The following ERCC6L2 variants were observed in gnomAD, a reference collection of about 807,000 sequenced individuals.
ERCC6L2 encodes ERCC excision repair 6 like 2, also known as DNA excision repair protein ERCC-6-like 2.
Under a neutral mutation model 132.0 loss-of-function variants are expected in ERCC6L2, and 77 were observed. The observed-to-expected ratio is 0.58, with a 90% CI of 0.49 to 0.71. The LOEUF (loss-of-function observed/expected upper bound fraction) is 0.71, where lower values mean the gene tolerates loss of function less well. Among genes scored for constraint, ERCC6L2 ranks in the 30% least tolerant of loss-of-function variants. The pLI, the probability that ERCC6L2 is intolerant of heterozygous loss-of-function variation, is 0.00. For synonymous variants in ERCC6L2, 583 were observed against 632.4 expected (o/e 0.92, Z 1.17); for missense variants, 1,542 against 1,837.6 (o/e 0.84, Z 2.94).
intron 13 of ERCC6L2, among the ~76,000 whole-genome samples, chr9:95,960,772 A>T (rs915845480): frequency 3.9e-5 from 6 of 152,154 alleles, no homozygotes; most frequent in Non-Finnish European, 8.8e-5. Flanking sequence ...AGCTGGAACT[A>T]TAGGTGCGTG....
chr9:95,899,975 T>C (rs771435564), intron 3 of ERCC6L2, among the ~76,000 whole-genome samples: 18 of 152,342 alleles, frequency 1.2e-4, no homozygotes, highest in Non-Finnish European at 2.1e-4. Flanking sequence ...CCCACAGATA[T>C]GGAGGAACTG....
chr9:95,976,343 G>A (rs910327136), intron 16 of ERCC6L2, among the ~76,000 whole-genome samples: 3 of 152,110 alleles, frequency 2.0e-5, no homozygotes, highest in African/African-American at 4.8e-5. Flanking sequence ...TGGTGGGTCA[G>A]TTTGGGGAGT....
At chr9:96,023,303 T>G (rs148491537), downstream of ERCC6L2, among the ~76,000 whole-genome samples, 87 of 152,372 alleles carry the variant, frequency 5.7e-4, no homozygotes, top group Admixed American at 2.4e-3. Flanking sequence ...TGACCTATTA[T>G]GTAATATGCT....
chr9:95,979,447 A>C, intron 17 of ERCC6L2, among the ~76,000 whole-genome samples: 1 of 152,164 alleles, frequency 6.6e-6, no homozygotes, highest in East Asian at 1.9e-4. Context: ...AAAAAATAAC[A>C]CTGGTTCTAG....
chr9:95,949,277 G>T (rs969313380), intron 12 of ERCC6L2, among the ~76,000 whole-genome samples: 5 of 152,060 alleles, frequency 3.3e-5, no homozygotes, highest in Non-Finnish European at 7.4e-5. Context: ...AAGGGAAAAG[G>T]ACAAAAGGGT....
chr9:96,006,077 A>G (rs181490192), intron 18 of ERCC6L2, among the ~76,000 whole-genome samples: 57 of 152,348 alleles, frequency 3.7e-4, no homozygotes, highest in African/African-American at 1.3e-3. Flanking sequence ...GGGAAGGTTC[A>G]GTAGGCAATG....
rs1226151450 is a variant in ERCC6L2 at position 96,013,187 on chromosome 9, C to T, written c.4637C>T (p.Thr1546Ile). Residue 1546 changes from threonine (T) to isoleucine (I), a missense_variant, in exon 19 of 19, where the codon ACA (threonine) becomes ATA (isoleucine). By Grantham distance (89) the Thr-to-Ile change is moderately conservative (BLOSUM62 -1). Transcript: ENST00000653738. ...GATACAGATGAAAACGCAACCAATA[C>T]ACAGAGTACCACATAAGCATATAAA... ...PSDTDENATN[T>I]QSTT 1 of 1,361,776 alleles carries T rather than the reference C, an allele frequency of 7.3e-7. No homozygotes were observed. Among genetic ancestry groups the T allele is most frequent in the Non-Finnish European group, 9.8e-7 (1 of 1,019,942 alleles). 84.4% of individuals were successfully genotyped at this position (1,361,776 alleles called of 1,614,324 possible).
At chr9:95,963,147 CTGTGTGTGTGTGTGTGTGTG>C (rs34128119) in intron 13 of ERCC6L2, among the ~76,000 whole-genome samples, 1 of 148,512 alleles carries the variant, frequency 6.7e-6, no homozygotes, top group South Asian at 2.2e-4. Flanking sequence ...GTCATCTCGT[CTGTGTGTGTGTGTGTGTGTG>C]TGTGTGTGTG....
At chr9:96,032,389 G>A (rs1476396719) in intron 19 of ERCC6L2, among the ~76,000 whole-genome samples, 14 of 152,138 alleles carry the variant, frequency 9.2e-5, no homozygotes, top group Admixed American at 7.2e-4. Flanking sequence ...GCCTCCTTGC[G>A]CCTCACCGTC....
At position 96,013,093 on chromosome 9, in the gene ERCC6L2, A is replaced by C. The variant is rs760729807; in HGVS notation, c.4543A>C (p.Arg1515=). ...KAPLAAPFKR[R]EEPATSLWKS... is the part of the protein sequence containing the mutation. The stretch of plus-strand genomic sequence containing the variant: ...ACCTCTAGCAGCACCCTTTAAAAGG[A>C]GAGAAGAGCCAGCAACTTCTCTTTG... The change falls in exon 19 of 19, where the codon AGA becomes CGA. Residue 1515 remains arginine (R), a synonymous_variant. Transcript: ENST00000653738. 9.5e-6 allele frequency: 13 copies of C among 1,367,686 alleles called. No homozygotes were observed. In the East Asian group the frequency reaches 5.9e-4, roughly 62 times the overall value. The allele number at this position is 1,367,686 out of a possible 1,614,324, so 84.7% of individuals were successfully genotyped here. A position where few individuals can be genotyped will look rare whatever the true frequency, so the allele number is the denominator to read the frequency against.
chr9:95,920,680 T>G (rs1288628174), intron 6 of ERCC6L2, among the ~76,000 whole-genome samples: 1 of 152,192 alleles, frequency 6.6e-6, no homozygotes, highest in Non-Finnish European at 1.5e-5. Flanking sequence ...AAATTATACT[T>G]TATATTATCC....
intron 17 of ERCC6L2, among the ~76,000 whole-genome samples, chr9:95,996,580 G>A (rs1461444887): frequency 1.3e-5 from 2 of 152,360 alleles, no homozygotes; most frequent in Middle Eastern, 3.4e-3. Context: ...TTAGGGACTA[G>A]TGCAGCTGGG....
intron 2 of ERCC6L2, among the ~76,000 whole-genome samples, chr9:95,896,945 ATTTCT>A (rs1178173902): frequency 2.0e-5 from 3 of 152,054 alleles, no homozygotes; most frequent in Admixed American, 6.5e-5. Flanking sequence ...CTTCTGTATC[ATTTCT>A]TTTCTTCTAT....
intron 12 of ERCC6L2, among the ~76,000 whole-genome samples, chr9:95,950,864 C>T (rs1280781803): frequency 6.6e-6 from 1 of 152,082 alleles, no homozygotes; most frequent in African/African-American, 2.4e-5. Context: ...GGAGAAATAG[C>T]TCTGCAATAA....
intron 19 of ERCC6L2, among the ~76,000 whole-genome samples, chr9:96,028,737 A>T (rs1834414550): frequency 6.6e-6 from 1 of 152,170 alleles, no homozygotes; most frequent in African/African-American, 2.4e-5. Flanking sequence ...TAAAAGACTG[A>T]CACAGACCAG....
chr9:95,898,066 A>G, intron 3 of ERCC6L2, 95 bp downstream of exon 3: 2 of 1,141,888 alleles, frequency 1.8e-6, no homozygotes, highest in Middle Eastern at 3.1e-4. Context: ...ATGTATTGGT[A>G]TACATTTTAA....
At chr9:95,964,764 CT>C (rs1428832732) in intron 13 of ERCC6L2, among the ~76,000 whole-genome samples, 2 of 152,140 alleles carry the variant, frequency 1.3e-5, no homozygotes, top group African/African-American at 4.8e-5. Flanking sequence ...TATTTTCCCC[CT>C]AACTTCTTGA....
At chr9:95,876,243 G>A (rs1827260895) in intron 1 of ERCC6L2, 159 bp downstream of exon 1, 1 of 616,724 alleles carries the variant, frequency 1.6e-6, no homozygotes, top group Non-Finnish European at 2.7e-6. Flanking sequence ...CCAAATCTCC[G>A]ATTCAGTGTT....
At chr9:95,920,589 A>G (rs1181274182) in intron 6 of ERCC6L2, among the ~76,000 whole-genome samples, 1 of 152,294 alleles carries the variant, frequency 6.6e-6, no homozygotes, top group South Asian at 2.1e-4. Flanking sequence ...TCAAGAGTCA[A>G]CTGTGTAAGG....
Sources: gnomAD v4.1 joint callset for allele counts (sites outside exome capture counted in the v4.1 genomes callset) on GRCh38, gnomAD v4.1.1 for gene constraint, MANE v1.5 for transcripts, NCBI Gene and HGNC (gene_info 2026-07-23, HGNC 2026-07-21) for gene names.